The following WDFY3 variants were observed in gnomAD, a reference collection of about 807,000 sequenced individuals.
The protein encoded by WDFY3 is WD repeat and FYVE domain containing 3.
Under a neutral mutation model 409.6 loss-of-function variants are expected in WDFY3, and 66 were observed. The ratio of observed to expected loss-of-function variants is 0.16; its 90% CI spans 0.13 to 0.20. The LOEUF (loss-of-function observed/expected upper bound fraction) is 0.20. Among genes scored for constraint, WDFY3 ranks in the 10% least tolerant of loss-of-function variants. The pLI, the probability that WDFY3 is intolerant of heterozygous loss-of-function variation, is 1.00. For missense variants in WDFY3, 3,031 were observed against 4,298.1 expected (o/e 0.71, Z 8.24); for synonymous variants, 1,521 against 1,537.1 (o/e 0.99, Z 0.25).
chr4:84,782,847 C>T, intron 25 of WDFY3, 116 bp downstream of exon 25: 2 of 812,548 alleles, frequency 2.5e-6, no homozygotes, highest in Non-Finnish European at 2.0e-6. Context: ...TGCACGTACA[C>T]TATAGGTCAG....
intron 32 of WDFY3, among the ~76,000 whole-genome samples, chr4:84,758,394 T>G (rs948926017): frequency 6.6e-6 from 1 of 152,208 alleles, no homozygotes; most frequent in East Asian, 1.9e-4. Context: ...TACAGGCACA[T>G]GCAACCATGC....
intron 38 of WDFY3, 95 bp from the exon 39 acceptor site, chr4:84,740,511 C>T: frequency 8.6e-7 from 1 of 1,168,690 alleles, no homozygotes; most frequent in African/African-American, 1.5e-5. Flanking sequence ...CTATTATATA[C>T]CAGATGCCAT....
intron 63 of WDFY3, 30 bp downstream of exon 63, chr4:84,683,913 C>T: frequency 3.2e-6 from 5 of 1,555,126 alleles, no homozygotes; most frequent in Non-Finnish European, 4.4e-6. Flanking sequence ...TGACAAATAT[C>T]CTAATGAGTT....
chr4:84,749,424 T>A (rs1487986637), intron 36 of WDFY3, among the ~76,000 whole-genome samples: 1 of 152,164 alleles, frequency 6.6e-6, no homozygotes, highest in African/African-American at 2.4e-5. Context: ...GTTTGGGAAT[T>A]TCCAGGGATG....
In WDFY3 at chr4:84,849,832, T is replaced by C. The variant is rs1024942602; in HGVS notation, c.304+70A>G. On this transcript the variant is annotated intron_variant, in intron 5 of 67. Transcript: ENST00000295888. ...AACAAGGTCTGTTTTCCATTTAATT[T>C]TAATGGGACTTTTACAGAACTGCTT... The C allele has an allele frequency of 3.4e-5, 54 of 1,581,346 alleles. No homozygotes were observed. The African/African-American group carries it at 5.1e-4, about 15-fold the overall frequency.
intron 13 of WDFY3, among the ~76,000 whole-genome samples, chr4:84,813,491 A>G (rs1000258026): frequency 2.6e-5 from 4 of 152,180 alleles, no homozygotes; most frequent in Admixed American, 6.6e-5. Context: ...CTGCATGAGG[A>G]AATGCTATAT....
chr4:84,948,375 A>G (rs1773168338), intron 1 of WDFY3, among the ~76,000 whole-genome samples: 1 of 152,116 alleles, frequency 6.6e-6, no homozygotes, highest in Non-Finnish European at 1.5e-5. Flanking sequence ...TGCCATACCA[A>G]TGCCAATAAA....
chr4:84,834,546 G>A (rs1756283666), intron 7 of WDFY3, among the ~76,000 whole-genome samples: 1 of 152,070 alleles, frequency 6.6e-6, no homozygotes, highest in East Asian at 1.9e-4. Context: ...AGCTACTTGG[G>A]TGGCTGAGGC....
chr4:84,686,122 G>A (rs532647808), intron 62 of WDFY3, among the ~76,000 whole-genome samples: 19 of 152,054 alleles, frequency 1.2e-4, no homozygotes, highest in Non-Finnish European at 2.5e-4. Context: ...TCGCTAACAC[G>A]GTGAAACCCC....
chr4:84,785,872 G>A, intron 24 of WDFY3, 107 bp downstream of exon 24: 1 of 1,346,482 alleles, frequency 7.4e-7, no homozygotes, highest in Non-Finnish European at 1.0e-6. Context: ...TACATGAAAG[G>A]CATGATTTTT....
At chr4:84,734,995 C>T in intron 43 of WDFY3, 48 bp downstream of exon 43, 1 of 1,516,678 alleles carries the variant, frequency 6.6e-7, no homozygotes, top group Admixed American at 1.7e-5. Context: ...AGACCTTTCA[C>T]ATACAAAAAA....
rs368403451 is a variant in WDFY3, at chr4:84,753,887, G to A, written c.5560-11C>T. 5 of 1,565,526 alleles carry A rather than the reference G, an allele frequency of 3.2e-6. No homozygotes were observed. The African/African-American group carries it at 5.5e-5, about 17-fold the overall frequency. ...TTCTGATTGCCAAGGCTGTTATGGG[G>A]ACATGAGAGGAAACACTATGTTACA... On this transcript the variant is annotated splice_polypyrimidine_tract_variant and intron_variant, in intron 34 of 67. Transcript: ENST00000295888.
chr4:84,858,600 G>A (rs924389120), intron 4 of WDFY3, among the ~76,000 whole-genome samples: 1 of 151,904 alleles, frequency 6.6e-6, no homozygotes, highest in African/African-American at 2.4e-5. Flanking sequence ...AATATTTACC[G>A]AGACTGAACA....
At chr4:84,902,665 A>G (rs1766496447) in intron 2 of WDFY3, among the ~76,000 whole-genome samples, 1 of 152,246 alleles carries the variant, frequency 6.6e-6, no homozygotes. Context: ...TGGTGATTTT[A>G]AATGTTAGCA....
intron 7 of WDFY3, among the ~76,000 whole-genome samples, chr4:84,833,683 AAAG>A (rs1440815693): frequency 7.3e-6 from 1 of 137,764 alleles, no homozygotes; most frequent in African/African-American, 2.8e-5. Flanking sequence ...AAAGAAAAGA[AAAG>A]AAAAGAGAAG....
chr4:84,721,307 A>G, intron 47 of WDFY3, 102 bp downstream of exon 47: 1 of 1,457,938 alleles, frequency 6.9e-7, no homozygotes, highest in Non-Finnish European at 9.2e-7. Flanking sequence ...TTTATTACCG[A>G]GGCTAATGCA....
At chr4:84,965,817 C>A (rs1377797430) in intron 1 of WDFY3, 1 of 152,478 alleles carries the variant, frequency 6.6e-6, no homozygotes, top group Non-Finnish European at 1.5e-5. Flanking sequence ...ATCCCCTACC[C>A]CTGCGAGCCA....
At chr4:84,912,232 T>C (rs929359857) in intron 2 of WDFY3, among the ~76,000 whole-genome samples, 1 of 152,094 alleles carries the variant, frequency 6.6e-6, no homozygotes, top group Admixed American at 6.6e-5. Context: ...CAAGGAAAAG[T>C]TGAATTGCTT....
At chr4:84,861,172 C>T (rs544635629) in intron 3 of WDFY3, among the ~76,000 whole-genome samples, 1 of 152,184 alleles carries the variant, frequency 6.6e-6, no homozygotes, top group African/African-American at 2.4e-5. Flanking sequence ...GATCACGCCA[C>T]TGCATTTCAG....
Sources: allele counts gnomAD v4.1 joint callset (sites outside exome capture counted in the v4.1 genomes callset), GRCh38; gene constraint gnomAD v4.1.1; transcripts MANE v1.5; gene names NCBI Gene and HGNC (gene_info 2026-07-23, HGNC 2026-07-21).